Variants in SMARCAD1 observed in about 807,000 individuals in gnomAD.
SMARCAD1 encodes SWI/SNF-related matrix-associated actin-dependent regulator of chromatin subfamily A containing DEAD/H box 1.
In SMARCAD1, 25 loss-of-function variants were observed where a neutral mutation model predicts 127.1. The ratio of observed to expected loss-of-function variants is 0.20; its 90% CI spans 0.14 to 0.27. The LOEUF (loss-of-function observed/expected upper bound fraction) is 0.27, where lower values mean the gene tolerates loss of function less well. SMARCAD1 is among the 10% of genes least tolerant of loss of function. The pLI is 1.00. For synonymous variants in SMARCAD1, 400 were observed against 396.9 expected (o/e 1.01, Z -0.09); for missense variants, 807 against 1,206.0 (o/e 0.67, Z 4.90).
chr4:94,282,733 C>T (rs544000558), intron 21 of SMARCAD1, among the ~76,000 whole-genome samples: 1 of 150,712 alleles, frequency 6.6e-6, no homozygotes, highest in African/African-American at 2.4e-5. Context: ...AATCCACTTA[C>T]ACAATTTGAT....
chr4:94,211,161 A>G (rs1172205456), intron 2 of SMARCAD1, among the ~76,000 whole-genome samples: 2 of 151,366 alleles, frequency 1.3e-5, no homozygotes, highest in South Asian at 2.1e-4. Flanking sequence ...AATCCCAGCT[A>G]CTCGGGAGGC....
chr4:94,230,446 A>G (rs569631392), intron 3 of SMARCAD1, among the ~76,000 whole-genome samples: 6 of 152,252 alleles, frequency 3.9e-5, no homozygotes, highest in African/African-American at 9.6e-5. Context: ...TTGTGTGAAC[A>G]TTCCTTATTT....
At chr4:94,238,660 AC>A in intron 5 of SMARCAD1, among the ~76,000 whole-genome samples, 1 of 152,266 alleles carries the variant, frequency 6.6e-6, no homozygotes, top group Non-Finnish European at 1.5e-5. Context: ...GAAAAATGAT[AC>A]GCTCAGTGAA....
intron 2 of SMARCAD1, among the ~76,000 whole-genome samples, chr4:94,213,523 A>G (rs1742632021): frequency 6.6e-6 from 1 of 151,602 alleles, no homozygotes; most frequent in African/African-American, 2.4e-5. Context: ...CAGGGACGGT[A>G]GATCTTATTT....
In SMARCAD1 at chr4:94,255,365, T is replaced by C. The variant is rs1269005936; in HGVS notation, c.1281+2358T>C. 2.6e-5 allele frequency among the ~76,000 whole-genome samples: 4 copies of C among 152,192 alleles called. No homozygotes were observed. In the East Asian group the frequency reaches 7.7e-4, roughly 29 times the overall value. On this transcript the variant is annotated intron_variant, in intron 9 of 23. Transcript: ENST00000354268. ...AAGTACATATATACAATAGTAATTT[T>C]TGTTAAAAGTGAGGTTTCTTTAACG...
intron 5 of SMARCAD1, among the ~76,000 whole-genome samples, chr4:94,237,355 A>C (rs1300783463): frequency 1.3e-5 from 2 of 152,110 alleles, no homozygotes; most frequent in Non-Finnish European, 2.9e-5. Context: ...CGTAGCTGGT[A>C]ATCAACATTC....
intron 19 of SMARCAD1, 135 bp downstream of exon 19, chr4:94,279,185 G>T: frequency 8.8e-7 from 1 of 1,131,406 alleles, no homozygotes; most frequent in Non-Finnish European, 1.3e-6. Flanking sequence ...TTCAGACCAG[G>T]TCTGGTTCTG....
intron 2 of SMARCAD1, among the ~76,000 whole-genome samples, chr4:94,218,955 A>T (rs1343382138): frequency 6.6e-6 from 1 of 151,714 alleles, no homozygotes; most frequent in Non-Finnish European, 1.5e-5. Context: ...GGGATTACAG[A>T]TGTGCACCAC....
chr4:94,288,170 G>C (rs1168797290), intron 23 of SMARCAD1, among the ~76,000 whole-genome samples: 3 of 151,728 alleles, frequency 2.0e-5, no homozygotes, highest in East Asian at 1.9e-4. Context: ...CCTCAAAGTT[G>C]GTACAATACC....
In SMARCAD1 at chr4:94,208,602, A is replaced by G. The variant is rs1246998991; in HGVS notation, c.190+18A>G. 1 of 1,609,898 alleles carries G rather than the reference A, an allele frequency of 6.2e-7. No individual in the cohort carries two copies. Among genetic ancestry groups the G allele is most frequent in the Admixed American group, 1.7e-5 (1 of 60,018 alleles). The stretch of plus-strand genomic sequence containing the variant: ...AAAAACAGGTGAGTTACAATGTTAA[A>G]ATTGATGTAACATCAAGGACAGTTT... On this transcript the variant is annotated intron_variant, in intron 2 of 23. Coordinates refer to ENST00000354268, the MANE Select transcript of SMARCAD1 (RefSeq NM_020159.5).
intron 9 of SMARCAD1, chr4:94,253,223 C>A: frequency 6.6e-7 from 1 of 1,507,550 alleles, no homozygotes; most frequent in Non-Finnish European, 8.9e-7. Flanking sequence ...CTGAAAAAAC[C>A]CAAGCTGATT....
At chr4:94,243,309 G>A (rs1747888655) in intron 6 of SMARCAD1, among the ~76,000 whole-genome samples, 1 of 152,214 alleles carries the variant, frequency 6.6e-6, no homozygotes, top group African/African-American at 2.4e-5. Context: ...TGATGCAGAA[G>A]CAGGTACCAT....
chr4:94,217,994 A>C (rs545394800), intron 2 of SMARCAD1, among the ~76,000 whole-genome samples: 2 of 152,312 alleles, frequency 1.3e-5, no homozygotes, highest in Admixed American at 6.5e-5. Context: ...TTCAGTCAAA[A>C]ATGTTTGAAA....
intron 6 of SMARCAD1, among the ~76,000 whole-genome samples, chr4:94,246,059 A>G (rs1286122487): frequency 4.6e-5 from 7 of 150,708 alleles, no homozygotes; most frequent in Non-Finnish European, 4.4e-5. Flanking sequence ...CTTGTATTGC[A>G]CTCTGGACCT....
At chr4:94,251,876 G>C (rs1749325439) in intron 8 of SMARCAD1, among the ~76,000 whole-genome samples, 1 of 151,836 alleles carries the variant, frequency 6.6e-6, no homozygotes, top group African/African-American at 2.4e-5. Flanking sequence ...TTTTGAGACG[G>C]AGTCTTGCTC....
At chr4:94,208,688 C>G (rs903166361) in intron 2 of SMARCAD1, 104 bp downstream of exon 2, 3 of 1,112,584 alleles carry the variant, frequency 2.7e-6, no homozygotes, top group South Asian at 2.7e-5. Flanking sequence ...TATATTGATG[C>G]ATTGTCCTGC....
At chr4:94,219,127 T>C (rs1743680383) in intron 2 of SMARCAD1, among the ~76,000 whole-genome samples, 2 of 152,160 alleles carry the variant, frequency 1.3e-5, no homozygotes, top group Admixed American at 1.3e-4. Flanking sequence ...TTGGTAATCT[T>C]CTAAGAGGGC....
rs1476958537 is a variant in SMARCAD1 at position 94,208,355 on chromosome 4, T to G, written c.-40T>G. On this transcript the variant is annotated 5_prime_UTR_variant, in exon 2 of 24. It adds an upstream start codon to the 5' untranslated region. Coordinates refer to ENST00000354268, the MANE Select transcript of SMARCAD1 (RefSeq NM_020159.5). ...TATTTTTCCCCTGCAGATAGTTCAT[T>G]TAAAGCCCCCATCCCTGCAAGGTGG... is the stretch of plus-strand genomic sequence containing the variant. 3 of 1,600,798 alleles carry G rather than the reference T, an allele frequency of 1.9e-6. No homozygotes were observed. The highest frequency in any genetic ancestry group is 1.8e-4 in the Middle Eastern group (1 of 5,560).
At chr4:94,260,164 T>G (rs1750748580) in intron 9 of SMARCAD1, among the ~76,000 whole-genome samples, 1 of 152,132 alleles carries the variant, frequency 6.6e-6, no homozygotes, top group East Asian at 1.9e-4. Flanking sequence ...ACTAGTACTT[T>G]CTGTAAAACG....
Sources: allele counts gnomAD v4.1 joint callset (sites outside exome capture counted in the v4.1 genomes callset), GRCh38; gene constraint gnomAD v4.1.1; transcripts MANE v1.5; gene names NCBI Gene and HGNC (gene_info 2026-07-23, HGNC 2026-07-21).